Variants in RIOK1 observed in about 807,000 individuals in gnomAD.
RIOK1 encodes the protein RIO kinase 1, also known as serine/threonine-protein kinase RIO1.
Under a neutral mutation model 73.5 loss-of-function variants are expected in RIOK1, and 66 were observed. The observed-to-expected ratio is 0.90, with a 90% CI of 0.74 to 1.10. The LOEUF (loss-of-function observed/expected upper bound fraction) is 1.10. Among genes scored for constraint, RIOK1 ranks in the 50% least tolerant of loss-of-function variants. The probability of loss-of-function intolerance (pLI) is 0.00; values close to 1 mark genes in which losing one functional copy is unlikely to be tolerated. For synonymous variants in RIOK1, 224 were observed against 226.8 expected (o/e 0.99, Z 0.11); for missense variants, 658 against 699.8 (o/e 0.94, Z 0.67).
intron 3 of RIOK1, 62 bp from the exon 4 acceptor site, chr6:7,396,641 C>T (rs899937799): frequency 1.1e-6 from 1 of 945,828 alleles, no homozygotes; most frequent in Middle Eastern, 2.2e-4. Context: ...CCCTGTTCAG[C>T]AACTCTGTTA....
intron 12 of RIOK1, among the ~76,000 whole-genome samples, chr6:7,406,466 T>A (rs1388735609): frequency 6.6e-6 from 1 of 152,222 alleles, no homozygotes; most frequent in African/African-American, 2.4e-5. Flanking sequence ...CATCCCAAAC[T>A]GATATTCTGT....
intron 13 of RIOK1, 81 bp downstream of exon 13, chr6:7,410,532 C>A: frequency 1.2e-6 from 1 of 869,024 alleles, no homozygotes; most frequent in Non-Finnish European, 1.9e-6. Flanking sequence ...AGAGCATAAA[C>A]TTGATTTAAA....
At chr6:7,410,336 C>T (rs1221562660) in intron 12 of RIOK1, 50 bp from the exon 13 acceptor site, 2 of 1,263,294 alleles carry the variant, frequency 1.6e-6, no homozygotes, top group Non-Finnish European at 2.3e-6. Flanking sequence ...CATGGATGTG[C>T]CTTCTGCAGT....
chr6:7,396,603 G>A (rs12212766), intron 3 of RIOK1, 100 bp from the exon 4 acceptor site: 371,621 of 654,680 alleles, frequency 0.57, 107,304 homozygotes, highest in South Asian at 0.63. Context: ...TTTAGAAAGT[G>A]TAGAAGAGAA....
At chr6:7,396,871 A>C in intron 4 of RIOK1, 99 bp downstream of exon 4, 1 of 686,780 alleles carries the variant, frequency 1.5e-6, no homozygotes, top group Non-Finnish European at 2.6e-6. Flanking sequence ...TCATTTGTAT[A>C]CTTAAACCAA....
chr6:7,393,603 T>TA (rs753657367), intron 2 of RIOK1, among the ~76,000 whole-genome samples: 69 of 152,292 alleles, frequency 4.5e-4, no homozygotes, highest in Non-Finnish European at 8.8e-4. Flanking sequence ...AGAAACATGG[T>TA]AAAAAAGTTC....
chr6:7,390,464 C>T (rs564185334), intron 1 of RIOK1, among the ~76,000 whole-genome samples: 1 of 152,352 alleles, frequency 6.6e-6, no homozygotes, highest in East Asian at 1.9e-4. Flanking sequence ...TTCCTGCTGT[C>T]ATGGAACTTT....
chr6:7,411,831 A>T (rs1048757351), intron 14 of RIOK1, among the ~76,000 whole-genome samples: 29 of 152,246 alleles, frequency 1.9e-4, no homozygotes, highest in African/African-American at 6.8e-4. Context: ...AAGCCAAGAA[A>T]CAAAATTGAG....
chr6:7,394,429 G>A (rs1761421021), intron 2 of RIOK1, among the ~76,000 whole-genome samples: 1 of 152,198 alleles, frequency 6.6e-6, no homozygotes, highest in South Asian at 2.1e-4. Context: ...GCGAGACTCT[G>A]TCTGTAAAAA....
intron 12 of RIOK1, among the ~76,000 whole-genome samples, chr6:7,407,045 A>G (rs6920320): frequency 0.01 from 1,547 of 152,376 alleles, 21 homozygotes; most frequent in African/African-American, 0.035. Flanking sequence ...GTGGATGGAC[A>G]TACGGGTTGC....
chr6:7,404,363 T>A, intron 9 of RIOK1, 55 bp from the exon 10 acceptor site: 2 of 1,600,354 alleles, frequency 1.2e-6, no homozygotes, highest in East Asian at 4.5e-5. Context: ...AACAGTATAG[T>A]AAGAAGCAAG....
At chr6:7,409,216 TGTGTG>T (rs1761826919) in intron 12 of RIOK1, among the ~76,000 whole-genome samples, 1 of 2,612 alleles carries the variant, frequency 3.8e-4, no homozygotes, top group African/African-American at 2.7e-3. Flanking sequence ...CGACTAATTG[TGTGTG>T]TGTGTGTGTG....
At chr6:7,413,099 T>A (rs1200923555) in intron 15 of RIOK1, among the ~76,000 whole-genome samples, 157 bp downstream of exon 15, 4 of 152,238 alleles carry the variant, frequency 2.6e-5, no homozygotes, top group African/African-American at 7.2e-5. Flanking sequence ...TCTGTGGACA[T>A]CTTCAGAAAT....
At chr6:7,397,012 C>G (rs1444565998) in intron 4 of RIOK1, among the ~76,000 whole-genome samples, 1 of 151,840 alleles carries the variant, frequency 6.6e-6, no homozygotes, top group Admixed American at 6.6e-5. Flanking sequence ...GCCTGTAATC[C>G]CATCACTTCA....
At chr6:7,395,705 G>T (rs9502608) in intron 3 of RIOK1, among the ~76,000 whole-genome samples, 77,968 of 151,292 alleles carry the variant, frequency 0.52, 20,954 homozygotes, top group Middle Eastern at 0.64. Context: ...TTGTCTGTTC[G>T]GTTTTAGGTT....
chr6:7,392,166 T>C (rs1389985265), intron 1 of RIOK1, among the ~76,000 whole-genome samples: 4 of 151,788 alleles, frequency 2.6e-5, no homozygotes, highest in Non-Finnish European at 4.4e-5. Context: ...AGGGATAGAT[T>C]TTACACAGAA....
chr6:7,405,247 A>G lies in RIOK1; in HGVS notation c.1097-2A>G. ...TGTCATTAACGTTTTTCCTTCTGAC[A>G]GATTTCTTTATGAGGCACAGTGTTG... On this transcript the variant is annotated splice_acceptor_variant, in intron 11 of 16. Transcript: ENST00000379834. LOFTEE classifies it high-confidence loss of function. 1.3e-6 allele frequency: 2 copies of G among 1,595,158 alleles called. No homozygotes were observed. The highest frequency in any genetic ancestry group is 1.7e-5 in the Admixed American group (1 of 59,094).
At chr6:7,414,693 A>C (rs1761958192) in intron 16 of RIOK1, among the ~76,000 whole-genome samples, 1 of 152,206 alleles carries the variant, frequency 6.6e-6, no homozygotes, top group African/African-American at 2.4e-5. Context: ...GAGCCATTTC[A>C]GGGGGATTTA....
rs200292986 is a variant in RIOK1, at chr6:7,410,468, A to G, written c.1269+17A>G. On this transcript the variant is annotated intron_variant, in intron 13 of 16. Coordinates refer to ENST00000379834, the MANE Select transcript of RIOK1 (RefSeq NM_031480.3). ...GATGAAGAGGTAGGATTTATTATCT[A>G]TTCACAGCCTTTGGAAACACTTGTG... 2.6e-6 allele frequency: 4 copies of G among 1,564,732 alleles called. No homozygotes were observed. The highest frequency in any genetic ancestry group is 2.6e-6 in the Non-Finnish European group (3 of 1,141,314).
Sources: allele counts gnomAD v4.1 joint callset (sites outside exome capture counted in the v4.1 genomes callset), GRCh38; gene constraint gnomAD v4.1.1; transcripts MANE v1.5; gene names NCBI Gene and HGNC (gene_info 2026-07-23, HGNC 2026-07-21).